Variants in CSMD3 observed in about 807,000 individuals in gnomAD.
The protein encoded by CSMD3 is CUB and sushi domain-containing protein 3.
CSMD3 carries 177 observed loss-of-function variants against 435.2 expected under a neutral mutation model. That is an observed-to-expected ratio of 0.41 (90% confidence interval 0.36 to 0.46). CSMD3 has a LOEUF of 0.46. CSMD3 is among the 20% of genes least tolerant of loss of function. CSMD3 has a pLI of 0.34. For missense variants in CSMD3, 4,265 were observed against 4,504.6 expected, an observed-to-expected ratio of 0.95 and a Z score of 1.52; for synonymous variants, 1,656 against 1,520.5, an observed-to-expected ratio of 1.09 and a Z score of -2.07.
At chr8:112,412,970 G>A (rs1239577982) in intron 32 of CSMD3, among the ~76,000 whole-genome samples, 1 of 152,052 alleles carries the variant, frequency 6.6e-6, no homozygotes, top group Non-Finnish European at 1.5e-5. Context: ...TTTCCATGAA[G>A]AGTATTGCTA....
intron 4 of CSMD3, among the ~76,000 whole-genome samples, chr8:113,105,896 CT>C (rs1274408579): frequency 6.6e-6 from 1 of 151,452 alleles, no homozygotes; most frequent in African/African-American, 2.4e-5. Flanking sequence ...AAAAAAAGTA[CT>C]AGCCATGTCA....
At chr8:112,704,746 A>G (rs1402297277) in intron 13 of CSMD3, among the ~76,000 whole-genome samples, 2 of 152,156 alleles carry the variant, frequency 1.3e-5, no homozygotes, top group Non-Finnish European at 2.9e-5. Context: ...GCTTAATTAA[A>G]ATGAAATATA....
intron 13 of CSMD3, among the ~76,000 whole-genome samples, chr8:112,733,881 T>C (rs556515856): frequency 2.0e-4 from 31 of 152,126 alleles, no homozygotes; most frequent in African/African-American, 7.0e-4. Flanking sequence ...ATAATAATAA[T>C]AATACCTCAG....
intron 5 of CSMD3, among the ~76,000 whole-genome samples, chr8:113,040,082 A>G (rs904725090): frequency 6.6e-6 from 1 of 152,102 alleles, no homozygotes; most frequent in Non-Finnish European, 1.5e-5. Flanking sequence ...TGGTACAGAG[A>G]GATATATGGT....
intron 45 of CSMD3, among the ~76,000 whole-genome samples, chr8:112,333,797 T>C (rs1433840112): frequency 6.6e-6 from 1 of 152,160 alleles, no homozygotes; most frequent in African/African-American, 2.4e-5. Context: ...ATATTTATAG[T>C]TCATCAATGA....
At chr8:113,242,774 G>C (rs1011242765) in intron 3 of CSMD3, among the ~76,000 whole-genome samples, 2 of 151,954 alleles carry the variant, frequency 1.3e-5, no homozygotes, top group Admixed American at 6.6e-5. Context: ...TGTGCTTGAA[G>C]TATATTTTTC....
chr8:112,895,180 A>G (rs545161712), intron 10 of CSMD3, among the ~76,000 whole-genome samples: 1 of 151,564 alleles, frequency 6.6e-6, no homozygotes, highest in South Asian at 2.1e-4. Flanking sequence ...CAGAGTTTAT[A>G]TACTAATGAG....
chr8:112,648,095 C>T (rs1343116994), intron 19 of CSMD3, among the ~76,000 whole-genome samples: 1 of 152,098 alleles, frequency 6.6e-6, no homozygotes, highest in African/African-American at 2.4e-5. Flanking sequence ...CATTAGGCAA[C>T]CTAGGTCAAT....
intron 59 of CSMD3, among the ~76,000 whole-genome samples, chr8:112,277,258 A>G (rs967618024): frequency 1.3e-5 from 2 of 152,152 alleles, no homozygotes; most frequent in Non-Finnish European, 2.9e-5. Context: ...TGCTGCTTAG[A>G]CATTTCTTCC....
chr8:112,682,085 C>A (rs2075910248), intron 16 of CSMD3, among the ~76,000 whole-genome samples: 8 of 151,256 alleles, frequency 5.3e-5, no homozygotes, highest in Admixed American at 4.0e-4. Flanking sequence ...TTAGTGTGTA[C>A]CATGAATAGA....
intron 20 of CSMD3, among the ~76,000 whole-genome samples, chr8:112,644,572 G>A (rs1293020263): frequency 6.6e-6 from 1 of 151,996 alleles, no homozygotes; most frequent in Non-Finnish European, 1.5e-5. Context: ...ACCTTATGCA[G>A]AGTGCAATTT....
intron 10 of CSMD3, among the ~76,000 whole-genome samples, chr8:112,910,057 T>C (rs910684051): frequency 6.6e-6 from 1 of 151,816 alleles, no homozygotes; most frequent in African/African-American, 2.4e-5. Flanking sequence ...AAACAGAGTG[T>C]CATTTTAAGT....
intron 3 of CSMD3, among the ~76,000 whole-genome samples, chr8:113,195,672 A>C (rs1588251342): frequency 6.7e-6 from 1 of 150,046 alleles, no homozygotes; most frequent in East Asian, 2.0e-4. Context: ...AAAGAACCTA[A>C]TGGTGCGTAA....
intron 32 of CSMD3, among the ~76,000 whole-genome samples, chr8:112,460,718 A>G (rs1458653536): frequency 1.3e-5 from 2 of 152,204 alleles, no homozygotes. Context: ...TAAAATAAGC[A>G]GTATAATAGA....
At chr8:112,594,325 C>T (rs1262036423) in intron 22 of CSMD3, among the ~76,000 whole-genome samples, 9 of 152,308 alleles carry the variant, frequency 5.9e-5, no homozygotes, top group African/African-American at 1.2e-4. Flanking sequence ...TAAAAAACGG[C>T]GCACCACGAG....
intron 23 of CSMD3, among the ~76,000 whole-genome samples, chr8:112,576,828 CAGCATACATATATATATATATATAT>C (rs1829980391): frequency 1.4e-5 from 2 of 142,154 alleles, no homozygotes; most frequent in Admixed American, 7.2e-5. Flanking sequence ...CTGCACCAGG[CAGCATACATATATATATATATATAT>C]ATATGAAAGA....
intron 54 of CSMD3, 49 bp downstream of exon 54, chr8:112,295,784 T>G: frequency 2.0e-6 from 3 of 1,535,152 alleles, no homozygotes; most frequent in Non-Finnish European, 2.7e-6. Context: ...AAAACTAGAA[T>G]TATTCCAAAG....
Position 112,314,422 on chromosome 8 carries a change from T to C in CSMD3, c.7549+7A>G, listed in dbSNP as rs201703880. ...ATGAATATCCAATAAATATAACCCT[T>C]GGTTACCATCATACACCTGAAGAAC... On this transcript the variant is annotated splice_region_variant and intron_variant, in intron 48 of 70. Coordinates refer to ENST00000297405, the MANE Select transcript of CSMD3 (RefSeq NM_198123.2). The C allele has an allele frequency of 1.7e-4, 262 of 1,575,900 alleles. No homozygotes were observed. Among genetic ancestry groups the C allele is most frequent in the Middle Eastern group, 1.3e-3 (8 of 6,002 alleles).
intron 5 of CSMD3, among the ~76,000 whole-genome samples, chr8:113,019,416 T>G (rs554963075): frequency 1.3e-5 from 2 of 152,112 alleles, no homozygotes; most frequent in African/African-American, 4.8e-5. Context: ...CTATAAAACT[T>G]TAAGTGCACA....
Sources: gnomAD v4.1 joint callset for allele counts (sites outside exome capture counted in the v4.1 genomes callset) on GRCh38, gnomAD v4.1.1 for gene constraint, MANE v1.5 for transcripts, NCBI Gene and HGNC (gene_info 2026-07-23, HGNC 2026-07-21) for gene names.